The following FNBP1 variants were observed in gnomAD, a reference collection of about 807,000 sequenced individuals.
The protein encoded by FNBP1 is formin-binding protein 1.
A neutral mutation model predicts 90.6 loss-of-function variants in FNBP1; 26 were observed. That is an observed-to-expected ratio of 0.29 (90% confidence interval 0.21 to 0.40). FNBP1 has a LOEUF of 0.40. FNBP1 is among the 10% of genes least tolerant of loss of function. The probability of loss-of-function intolerance (pLI) is 1.00; values close to 1 mark genes in which losing one functional copy is unlikely to be tolerated. For synonymous variants in FNBP1, 260 were observed against 265.2 expected, an observed-to-expected ratio of 0.98 and a Z score of 0.19; for missense variants, 635 against 768.0, an observed-to-expected ratio of 0.83 and a Z score of 2.05.
chr9:129,948,628 C>T (rs892195273), intron 6 of FNBP1, among the ~76,000 whole-genome samples: 2 of 152,114 alleles, frequency 1.3e-5, no homozygotes, highest in Middle Eastern at 6.8e-3. Context: ...CTGCAACCTC[C>T]ACTTCCTGGG....
chr9:129,977,502 T>C (rs1589022747), intron 4 of FNBP1, among the ~76,000 whole-genome samples: 3 of 126,544 alleles, frequency 2.4e-5, no homozygotes, highest in South Asian at 5.0e-4. Context: ...TTTTTTTTTT[T>C]CTTTTTGAGG....
At chr9:130,044,160 C>T (rs920298523), upstream of FNBP1, among the ~76,000 whole-genome samples, 3 of 152,188 alleles carry the variant, frequency 2.0e-5, no homozygotes, top group Admixed American at 1.3e-4. Context: ...AATCACTAGC[C>T]CTTTCCCCAC....
upstream of FNBP1, among the ~76,000 whole-genome samples, chr9:130,043,441 T>A (rs1462032591): frequency 6.6e-6 from 1 of 152,236 alleles, no homozygotes; most frequent in Non-Finnish European, 1.5e-5. Context: ...TAGTGACCAC[T>A]GTCTGCTCGC....
rs977697132 is a variant in FNBP1 at position 129,915,883 on chromosome 9, C to T, written c.1185+83G>A. ...ACAAACCAAGTTAACTTTGAAGATA[C>T]GTTGTGCATGGCATAGCATTCATAA... On this transcript the variant is annotated intron_variant, in intron 11 of 16. Coordinates refer to ENST00000446176, the MANE Select transcript of FNBP1 (RefSeq NM_015033.3). 5.5e-5 allele frequency: 52 copies of T among 947,394 alleles called. 1 individual carries two copies. The highest frequency in any genetic ancestry group is 2.8e-4 in the Admixed American group (13 of 46,510). 58.7% of individuals were successfully genotyped at this position (947,394 alleles called of 1,614,324 possible). A position where few individuals can be genotyped will look rare whatever the true frequency, so the allele number is the denominator to read the frequency against.
At chr9:130,052,582 G>A in the FNBP1 span, among the ~76,000 whole-genome samples, 7 of 151,806 alleles carry the variant, frequency 4.6e-5, no homozygotes, top group Admixed American at 1.3e-4. Flanking sequence ...ACAGGCGCGC[G>A]GCCGTGATGC....
At chr9:130,007,697 T>C (rs896042111) in intron 1 of FNBP1, among the ~76,000 whole-genome samples, 3 of 152,050 alleles carry the variant, frequency 2.0e-5, no homozygotes, top group African/African-American at 7.2e-5. Flanking sequence ...GCCCCAAAGA[T>C]GCGGAGTGAA....
chr9:130,047,030 TG>T (rs2060064564), upstream of FNBP1, among the ~76,000 whole-genome samples: 1 of 151,788 alleles, frequency 6.6e-6, no homozygotes, highest in African/African-American at 2.4e-5. Context: ...CTACTTGGGG[TG>T]GGGGGCAGTC....
chr9:130,000,746 A>G lies in FNBP1; in HGVS notation c.25-5788T>C, dbSNP rs181217967. Among the ~76,000 whole-genome samples the G allele has an allele frequency of 2.4e-4, 36 of 152,318 alleles. 1 individual carries two copies. In the East Asian group the frequency reaches 6.4e-3, roughly 27 times the overall value. ...TTTATCATTGGCAACAAACATTGCC[A>G]GCTGTTTCCCTGAAGTGACAGGCTC... is the stretch of plus-strand genomic sequence containing the variant. On this transcript the variant is annotated intron_variant, in intron 1 of 16. Transcript: ENST00000446176.
At chr9:129,977,612 C>A (rs2050538596) in intron 4 of FNBP1, among the ~76,000 whole-genome samples, 2 of 151,748 alleles carry the variant, frequency 1.3e-5, no homozygotes, top group Admixed American at 1.3e-4. Flanking sequence ...GTGCTTCAGA[C>A]CCCCAAGTAG....
At chr9:129,920,100 G>A (rs536630712) in intron 10 of FNBP1, among the ~76,000 whole-genome samples, 4 of 152,230 alleles carry the variant, frequency 2.6e-5, no homozygotes, top group South Asian at 2.1e-4. Flanking sequence ...ATTTCTTTAC[G>A]ATTGCTTCTA....
At chr9:129,952,319 T>C (rs1464484151) in intron 6 of FNBP1, among the ~76,000 whole-genome samples, 4 of 151,794 alleles carry the variant, frequency 2.6e-5, no homozygotes, top group African/African-American at 7.3e-5. Context: ...GGCAATATGG[T>C]GAAACCTCGT....
intron 1 of FNBP1, among the ~76,000 whole-genome samples, chr9:129,996,081 G>A (rs2053955532): frequency 6.6e-6 from 1 of 152,198 alleles, no homozygotes; most frequent in Non-Finnish European, 1.5e-5. Context: ...TTCAGGTTCT[G>A]CTTCCCGGAA....
intron 6 of FNBP1, among the ~76,000 whole-genome samples, chr9:129,938,467 T>C (rs1265400282): frequency 6.6e-6 from 1 of 151,290 alleles, no homozygotes; most frequent in African/African-American, 2.4e-5. Flanking sequence ...GCAGCTAGAA[T>C]ACAAAACAGA....
At chr9:129,984,737 G>A (rs1001754265) in intron 2 of FNBP1, among the ~76,000 whole-genome samples, 1 of 152,070 alleles carries the variant, frequency 6.6e-6, no homozygotes, top group Non-Finnish European at 1.5e-5. Context: ...AATCATGGGG[G>A]GGGCCGGTCT....
intron 1 of FNBP1, among the ~76,000 whole-genome samples, chr9:130,020,716 C>A (rs1013781980): frequency 1.3e-5 from 2 of 152,168 alleles, no homozygotes; most frequent in African/African-American, 2.4e-5. Flanking sequence ...GAGACACAGT[C>A]CAATTCAAAC....
At chr9:129,994,794 C>T (rs1427342665) in intron 2 of FNBP1, 49 bp downstream of exon 2, 1 of 830,206 alleles carries the variant, frequency 1.2e-6, no homozygotes, top group Non-Finnish European at 2.0e-6. Flanking sequence ...ATACGTTATC[C>T]TTACATCATT....
At chr9:130,007,251 A>AG (rs2055878322) in intron 1 of FNBP1, among the ~76,000 whole-genome samples, 1 of 148,878 alleles carries the variant, frequency 6.7e-6, no homozygotes. Flanking sequence ...AAAAAAAAAA[A>AG]AAAAAAGAAA....
In FNBP1 at chr9:129,893,637, A is replaced by AAAG. The variant is rs56397008; in HGVS notation, c.1846+2200_1846+2201insCTT. On this transcript the variant is annotated intron_variant, in intron 16 of 16. Coordinates refer to ENST00000446176, the MANE Select transcript of FNBP1 (RefSeq NM_015033.3). ...CAAAAAAAAAAAAAAAAAAAAAAAA[A>AAAG]GCCAGGCACGGGCTCATGCCTGTAA... 1.3e-4 allele frequency among the ~76,000 whole-genome samples: 8 copies of AAAG among 62,244 alleles called. 1 individual carries two copies. The highest frequency in any genetic ancestry group is 1.7e-3 in the South Asian group (2 of 1,206). The allele number at this position is 62,244 out of a possible 152,430, so 40.8% of individuals were successfully genotyped here. A position where few individuals can be genotyped will look rare whatever the true frequency, so the allele number is the denominator to read the frequency against.
At chr9:130,039,473 G>A (rs950189769) in intron 1 of FNBP1, among the ~76,000 whole-genome samples, 3 of 152,060 alleles carry the variant, frequency 2.0e-5, no homozygotes, top group Non-Finnish European at 4.4e-5. Context: ...TCAGGAGTTC[G>A]AGACCAGCCT....
Sources: gnomAD v4.1 joint callset for allele counts (sites outside exome capture counted in the v4.1 genomes callset) on GRCh38, gnomAD v4.1.1 for gene constraint, MANE v1.5 for transcripts, NCBI Gene and HGNC (gene_info 2026-07-23, HGNC 2026-07-21) for gene names.